PCDH9: variants seen among roughly 807,000 people sequenced by gnomAD.
The protein encoded by PCDH9 is protocadherin-9.
Under a neutral mutation model 70.6 loss-of-function variants are expected in PCDH9, and 24 were observed. The observed-to-expected ratio is 0.34, with a 90% CI of 0.25 to 0.48. The LOEUF (loss-of-function observed/expected upper bound fraction) is 0.48. Ranked by LOEUF, PCDH9 falls within the 20% of genes least tolerant of loss-of-function variation. PCDH9 has a pLI of 0.99. For synonymous variants in PCDH9, 562 were observed against 558.5 expected (o/e 1.01, Z -0.09); for missense variants, 1,281 against 1,503.6 (o/e 0.85, Z 2.45).
rs539009651 is a variant in PCDH9, at chr13:66,856,271, A to T, written c.3138+47233T>A. Among the ~76,000 whole-genome samples, 8 of 152,146 alleles carry T rather than the reference A, an allele frequency of 5.3e-5. No homozygotes were observed. In the South Asian group the frequency reaches 1.7e-3, roughly 32 times the overall value. On this transcript the variant is annotated intron_variant, in intron 3 of 4. Coordinates refer to ENST00000377865, the MANE Select transcript of PCDH9 (RefSeq NM_203487.3). ...ACCATCTTAGAGACTGTAAAAGAAG[A>T]GTAAAACACACTGCACATCAAGGGG...
chr13:66,655,020 C>A (rs1472873343), intron 3 of PCDH9, among the ~76,000 whole-genome samples: 1 of 151,956 alleles, frequency 6.6e-6, no homozygotes, highest in Non-Finnish European at 1.5e-5. Context: ...GCCACCATAC[C>A]CTGTGGCATT....
At chr13:66,894,616 C>T (rs1027157105) in intron 3 of PCDH9, among the ~76,000 whole-genome samples, 2 of 152,040 alleles carry the variant, frequency 1.3e-5, no homozygotes, top group African/African-American at 4.8e-5. Context: ...AAACACCAAA[C>T]AATATCTCAC....
intron 3 of PCDH9, among the ~76,000 whole-genome samples, chr13:66,790,605 G>A (rs886776498): frequency 6.6e-6 from 1 of 151,834 alleles, no homozygotes; most frequent in Non-Finnish European, 1.5e-5. Context: ...TGTGAGGCAG[G>A]GGCCTGTTTA....
chr13:66,575,695 T>C (rs1287399068), intron 4 of PCDH9, among the ~76,000 whole-genome samples: 1 of 152,188 alleles, frequency 6.6e-6, no homozygotes, highest in African/African-American at 2.4e-5. Context: ...AGCTAAGATA[T>C]TATTCCCTCA....
chr13:66,717,592 G>A (rs1239146788), intron 3 of PCDH9, among the ~76,000 whole-genome samples: 1 of 147,930 alleles, frequency 6.8e-6, no homozygotes, highest in African/African-American at 2.5e-5. Context: ...TAGAAACTCA[G>A]TGTATATACA....
intron 3 of PCDH9, among the ~76,000 whole-genome samples, chr13:66,871,531 T>C (rs1192737014): frequency 2.6e-5 from 4 of 152,120 alleles, no homozygotes; most frequent in Non-Finnish European, 4.4e-5. Context: ...ATGATCATGA[T>C]GGTCTACCGT....
intron 2 of PCDH9, among the ~76,000 whole-genome samples, chr13:67,038,816 G>T (rs1191780069): frequency 6.6e-6 from 1 of 152,226 alleles, no homozygotes; most frequent in East Asian, 1.9e-4. Flanking sequence ...TCTTTGCCCT[G>T]GTTCCCGACA....
chr13:66,484,674 C>T (rs572728574), intron 4 of PCDH9, among the ~76,000 whole-genome samples: 1 of 152,272 alleles, frequency 6.6e-6, no homozygotes, highest in Admixed American at 6.5e-5. Context: ...TTTATGATCA[C>T]ACAGACATGT....
intron 2 of PCDH9, among the ~76,000 whole-genome samples, chr13:67,055,468 T>C (rs868757537): frequency 6.6e-6 from 1 of 152,170 alleles, no homozygotes; most frequent in Non-Finnish European, 1.5e-5. Context: ...TTGGCTTGAT[T>C]CAAATAGAAT....
At position 66,398,351 on chromosome 13, in the gene PCDH9, G is replaced by A. The variant is rs1448126919; in HGVS notation, c.3341-93323C>T. ...GAAATTCTGCTATTGGAATCGTTAA[G>A]ACTTCATTTTGTATATAATATGCTG... On this transcript the variant is annotated intron_variant, in intron 4 of 4. Coordinates refer to ENST00000377865, the MANE Select transcript of PCDH9 (RefSeq NM_203487.3). Among the ~76,000 whole-genome samples the A allele has an allele frequency of 2.6e-5, 4 of 151,960 alleles. 1 individual carries two copies. Among genetic ancestry groups the A allele is most frequent in the Middle Eastern group, 6.4e-3 (2 of 314 alleles).
intron 4 of PCDH9, among the ~76,000 whole-genome samples, chr13:66,461,351 C>G (rs1958420841): frequency 6.6e-6 from 1 of 151,614 alleles, no homozygotes; most frequent in Admixed American, 6.6e-5. Flanking sequence ...CTCTGGGACA[C>G]TATACATTTC....
chr13:66,794,109 T>G (rs1011322251), intron 3 of PCDH9, among the ~76,000 whole-genome samples: 2 of 152,152 alleles, frequency 1.3e-5, no homozygotes, highest in Non-Finnish European at 2.9e-5. Context: ...CTCTTTGTTA[T>G]TTTATTTGTC....
chr13:66,898,702 GAAAAT>G (rs1286134466), intron 3 of PCDH9, among the ~76,000 whole-genome samples: 3 of 151,862 alleles, frequency 2.0e-5, no homozygotes, highest in Non-Finnish European at 4.4e-5. Flanking sequence ...TTTTTAAAAA[GAAAAT>G]AAAAGACCAA....
At chr13:66,923,553 G>T (rs1350956177) in intron 2 of PCDH9, among the ~76,000 whole-genome samples, 1 of 151,538 alleles carries the variant, frequency 6.6e-6, no homozygotes, top group Non-Finnish European at 1.5e-5. Context: ...CTATGTGCCA[G>T]ACATAGCTAT....
chr13:66,878,105 G>A (rs1473615688), intron 3 of PCDH9, among the ~76,000 whole-genome samples: 2 of 152,052 alleles, frequency 1.3e-5, no homozygotes, highest in African/African-American at 2.4e-5. Context: ...AGTTCTAAGG[G>A]AGAAAAAAGA....
At chr13:66,936,113 T>C (rs1250118557) in intron 2 of PCDH9, among the ~76,000 whole-genome samples, 2 of 151,988 alleles carry the variant, frequency 1.3e-5, no homozygotes, top group East Asian at 1.9e-4. Context: ...ATGAAATATA[T>C]TTCGCAAAAT....
At chr13:66,951,770 T>A (rs552783244) in intron 2 of PCDH9, among the ~76,000 whole-genome samples, 1 of 152,242 alleles carries the variant, frequency 6.6e-6, no homozygotes, top group African/African-American at 2.4e-5. Flanking sequence ...GAACAGAGGG[T>A]AGTTTGGAGG....
intron 3 of PCDH9, among the ~76,000 whole-genome samples, chr13:66,880,378 A>T (rs1025866730): frequency 6.6e-6 from 1 of 152,182 alleles, no homozygotes; most frequent in Non-Finnish European, 1.5e-5. Context: ...TTCAAAATAG[A>T]TGAGAATTGA....
intron 2 of PCDH9, among the ~76,000 whole-genome samples, chr13:66,919,730 T>C (rs2082610118): frequency 6.6e-6 from 1 of 150,986 alleles, no homozygotes; most frequent in Admixed American, 6.6e-5. Flanking sequence ...CACTTAGGCC[T>C]CAATCTCCCT....
Sources: allele counts gnomAD v4.1 joint callset (sites outside exome capture counted in the v4.1 genomes callset), GRCh38; gene constraint gnomAD v4.1.1; transcripts MANE v1.5; gene names NCBI Gene and HGNC (gene_info 2026-07-23, HGNC 2026-07-21).